NELL1: variants seen among roughly 807,000 people sequenced by gnomAD.
NELL1 encodes the protein neural EGFL like 1.
In NELL1, 76 loss-of-function variants were observed where a neutral mutation model predicts 107.4. That is an observed-to-expected ratio of 0.71 (90% CI 0.59 to 0.86). The LOEUF (loss-of-function observed/expected upper bound fraction) is 0.86. Among genes scored for constraint, NELL1 ranks in the 40% least tolerant of loss-of-function variants. The pLI is 0.00. For missense variants in NELL1, 1,024 were observed against 1,005.5 expected (o/e 1.02, Z -0.25); for synonymous variants, 353 against 341.2 (o/e 1.03, Z -0.38).
intron 14 of NELL1, among the ~76,000 whole-genome samples, chr11:21,283,027 AGGATAGTGGG>A (rs1849032343): frequency 2.6e-5 from 4 of 151,434 alleles, no homozygotes; most frequent in Non-Finnish European, 5.9e-5. Context: ...GAAGCTGGGA[AGGATAGTGGG>A]GGAGTGTGGG....
At position 21,067,999 on chromosome 11, in the gene NELL1, C is replaced by T. The variant is rs549679756; in HGVS notation, c.1301-45590C>T. Among the ~76,000 whole-genome samples the T allele has an allele frequency of 2.1e-4, 28 of 130,292 alleles. No individual in the cohort carries two copies. The East Asian group carries it at 5.8e-3, about 27-fold the overall frequency. The allele number at this position is 130,292 out of a possible 152,430, so 85.5% of individuals were successfully genotyped here. On this transcript the variant is annotated intron_variant, in intron 12 of 19. Coordinates refer to ENST00000357134, the MANE Select transcript of NELL1 (RefSeq NM_006157.5). ...AGTGAGCCGAGATTGCATCACTGCA[C>T]TCCAGCCTGGGCAACAGAGTGAGAT...
At chr11:20,841,862 G>A (rs1243778598) in intron 3 of NELL1, among the ~76,000 whole-genome samples, 2 of 152,188 alleles carry the variant, frequency 1.3e-5, no homozygotes, top group African/African-American at 4.8e-5. Flanking sequence ...GGGACATGAT[G>A]TGCCAAAAAT....
At chr11:21,447,310 T>A (rs972475981) in intron 15 of NELL1, among the ~76,000 whole-genome samples, 3 of 152,130 alleles carry the variant, frequency 2.0e-5, no homozygotes, top group African/African-American at 7.2e-5. Context: ...AAGTCCCCTT[T>A]ATTCTTCCCT....
At chr11:20,687,609 T>TC (rs397720188) in intron 2 of NELL1, among the ~76,000 whole-genome samples, 1 of 151,812 alleles carries the variant, frequency 6.6e-6, no homozygotes, top group Non-Finnish European at 1.5e-5. Flanking sequence ...TTTTTTTTTT[T>TC]CCGTGACAGT....
chr11:20,673,779 TTTAA>T (rs1270282753), intron 1 of NELL1, among the ~76,000 whole-genome samples: 2 of 152,178 alleles, frequency 1.3e-5, no homozygotes, highest in Non-Finnish European at 2.9e-5. Flanking sequence ...AGTAGAGAAC[TTTAA>T]TTGAGTTTCC....
intron 13 of NELL1, among the ~76,000 whole-genome samples, chr11:21,172,795 CTTTT>C (rs1464130928): frequency 6.6e-6 from 1 of 151,582 alleles, no homozygotes; most frequent in Non-Finnish European, 1.5e-5. Flanking sequence ...TATATAATTC[CTTTT>C]TAAATGCAGT....
In NELL1 at chr11:21,401,514, G is replaced by A. The variant is rs58178355; in HGVS notation, c.1645+30566G>A. Among the ~76,000 whole-genome samples, 271 of 151,824 alleles carry A rather than the reference G, an allele frequency of 1.8e-3. 8 individuals are homozygous for A. In the South Asian group the frequency reaches 0.052, roughly 29 times the overall value. ...CAGCAATTTAGTTAAGTTATAACACGTTTCCTGTAGTGACACTAGCCAAAA... is the reference window on the plus strand; with the variant it reads ...CAGCAATTTAGTTAAGTTATAACACATTTCCTGTAGTGACACTAGCCAAAA... On this transcript the variant is annotated intron_variant, in intron 15 of 19. Transcript: ENST00000357134.
At chr11:21,324,182 C>A (rs528272201) in intron 14 of NELL1, among the ~76,000 whole-genome samples, 23 of 152,162 alleles carry the variant, frequency 1.5e-4, no homozygotes, top group Middle Eastern at 3.4e-3. Flanking sequence ...GTCATTATTA[C>A]CCCATTTTGA....
intron 12 of NELL1, among the ~76,000 whole-genome samples, chr11:21,099,192 AACAC>A (rs59848133): frequency 0.077 from 10,945 of 141,724 alleles, 494 homozygotes; most frequent in South Asian, 0.16. Flanking sequence ...GACACTGAAC[AACAC>A]ACACACACAC....
intron 12 of NELL1, among the ~76,000 whole-genome samples, chr11:21,037,429 T>C (rs970964385): frequency 1.1e-4 from 17 of 152,170 alleles, no homozygotes; most frequent in Admixed American, 2.6e-4. Context: ...CCTGTGCTTA[T>C]ACAATTCTAG....
intron 14 of NELL1, among the ~76,000 whole-genome samples, chr11:21,355,802 A>C (rs1283156692): frequency 6.6e-6 from 1 of 152,154 alleles, no homozygotes; most frequent in Non-Finnish European, 1.5e-5. Context: ...AGTTCTATGG[A>C]GCCATTCTTG....
intron 2 of NELL1, among the ~76,000 whole-genome samples, chr11:20,688,765 TG>T (rs1854374046): frequency 6.6e-6 from 1 of 152,166 alleles, no homozygotes; most frequent in South Asian, 2.1e-4. Flanking sequence ...TACCCAGTGA[TG>T]GGATTGTGAG....
intron 7 of NELL1, among the ~76,000 whole-genome samples, chr11:20,925,532 C>T (rs1371868259): frequency 4.7e-5 from 7 of 149,934 alleles, no homozygotes; most frequent in Non-Finnish European, 1.0e-4. Context: ...GTCATCTGCT[C>T]GTCTTGGCCT....
chr11:21,359,592 A>G (rs1360605391), intron 14 of NELL1, among the ~76,000 whole-genome samples: 3 of 152,104 alleles, frequency 2.0e-5, no homozygotes, highest in South Asian at 2.1e-4. Flanking sequence ...TCTTCTTTCA[A>G]TGTCTAATAG....
chr11:20,905,873 G>C (rs1039706373), intron 5 of NELL1, among the ~76,000 whole-genome samples: 13 of 152,086 alleles, frequency 8.5e-5, no homozygotes, highest in African/African-American at 3.1e-4. Context: ...AGAAAATTTG[G>C]AACAATAATG....
intron 2 of NELL1, among the ~76,000 whole-genome samples, chr11:20,726,622 G>A (rs1327695960): frequency 6.6e-6 from 1 of 151,610 alleles, no homozygotes; most frequent in Non-Finnish European, 1.5e-5. Flanking sequence ...TATACTTTAA[G>A]TTCTAGGGTA....
intron 13 of NELL1, among the ~76,000 whole-genome samples, chr11:21,155,207 G>A (rs1246395739): frequency 6.6e-6 from 1 of 152,128 alleles, no homozygotes; most frequent in East Asian, 1.9e-4. Context: ...TAACCAAGAG[G>A]TTTCTAAGCA....
chr11:20,861,097 T>C (rs1417503027), intron 4 of NELL1, among the ~76,000 whole-genome samples: 1 of 152,192 alleles, frequency 6.6e-6, no homozygotes, highest in African/African-American at 2.4e-5. Flanking sequence ...GATCAATGGA[T>C]GTGTTTTTCT....
chr11:20,931,484 T>C (rs910959001), intron 9 of NELL1, among the ~76,000 whole-genome samples: 3 of 152,212 alleles, frequency 2.0e-5, no homozygotes, highest in Admixed American at 6.5e-5. Flanking sequence ...CATATGTTAG[T>C]TAGTTCTTAG....
Sources: allele counts gnomAD v4.1 joint callset (sites outside exome capture counted in the v4.1 genomes callset), GRCh38; gene constraint gnomAD v4.1.1; transcripts MANE v1.5; gene names NCBI Gene and HGNC (gene_info 2026-07-23, HGNC 2026-07-21).